C9orf50: variants seen among roughly 807,000 people sequenced by gnomAD.
C9orf50 encodes uncharacterized protein C9orf50.
In C9orf50, 33 loss-of-function variants were observed where a neutral mutation model predicts 42.5. The observed-to-expected ratio is 0.78, with a 90% confidence interval of 0.59 to 1.04. The LOEUF (loss-of-function observed/expected upper bound fraction) is 1.04. Ranked by LOEUF, C9orf50 falls within the 50% of genes least tolerant of loss-of-function variation. The pLI is 0.00. For missense variants in C9orf50, 547 were observed against 594.3 expected, an observed-to-expected ratio of 0.92 and a Z score of 0.83; for synonymous variants, 257 against 273.4, an observed-to-expected ratio of 0.94 and a Z score of 0.59.
chr9:129,615,688 C>T lies in C9orf50; in HGVS notation c.717-41G>A, dbSNP rs75970720. The stretch of plus-strand genomic sequence containing the variant: ...GGGGCCTGTGCTCGAAGCCCCCCAC[C>T]GTACCCCAGCACACACGCACCAGCC... On this transcript the variant is annotated intron_variant, in intron 3 of 6. Coordinates refer to ENST00000372478, the Ensembl canonical transcript of C9orf50. 5.8e-3 allele frequency: 8,606 copies of T among 1,489,950 alleles called. 43 individuals are homozygous for T. Among genetic ancestry groups the T allele is most frequent in the East Asian group, 0.011 (440 of 41,044 alleles). 92.3% of individuals were successfully genotyped at this position (1,489,950 alleles called of 1,614,324 possible).
chr9:129,612,572 T>A, intron 6 of C9orf50, 118 bp from the exon 7 acceptor site: 1 of 751,046 alleles, frequency 1.3e-6, no homozygotes. Context: ...AGCCCCATTT[T>A]AAAAGATGAG....
exon 3 of C9orf50, chr9:129,619,624 C>T (rs745405190): frequency 1.4e-5 from 22 of 1,613,826 alleles, no homozygotes; most frequent in African/African-American, 4.0e-5. Flanking sequence ...CCTGGAGGTG[C>T]GATGACTGGC....
chr9:129,617,500 T>C (rs1408075577), intron 3 of C9orf50, among the ~76,000 whole-genome samples: 1 of 152,242 alleles, frequency 6.6e-6, no homozygotes, highest in Non-Finnish European at 1.5e-5. Context: ...TCACACACAG[T>C]AAGGTGCTCA....
At chr9:129,618,846 C>A (rs1056857568) in intron 3 of C9orf50, among the ~76,000 whole-genome samples, 1 of 149,582 alleles carries the variant, frequency 6.7e-6, no homozygotes, top group Non-Finnish European at 1.5e-5. Flanking sequence ...GCGCCCGCCA[C>A]CACGCCCGGC....
rs781474219 is a variant in C9orf50 at position 129,613,519 on chromosome 9, C to T, written c.959G>A (p.Arg320Gln). The T allele has an allele frequency of 7.4e-6, 12 of 1,614,044 alleles. No homozygotes were observed. Among genetic ancestry groups the T allele is most frequent in the African/African-American group, 6.7e-5 (5 of 74,930 alleles). ...CAGGGCTTTGGGCAAACTCTCCAGC[C>T]GTTTTCCGACACTCCCAAACACCCG... The change falls in exon 5 of 7, where the codon CGG (arginine) becomes CAG (glutamine). Residue 320 changes from arginine (R) to glutamine (Q), a missense_variant. This residue lies in a region of C9orf50 where 334 missense variants were observed against 323.7 expected (regional missense o/e 1.03). Coordinates refer to ENST00000372478, the Ensembl canonical transcript of C9orf50. The surrounding 1 kb of genome is among the most constrained non-coding windows in gnomAD (Gnocchi z 6.2).
Position 129,619,594 on chromosome 9 carries a change from C to CAG in C9orf50, c.641_642insCT (p.Leu215CysfsTer11). On this transcript the variant is annotated frameshift_variant, in exon 3 of 7. Coordinates refer to ENST00000372478, the Ensembl canonical transcript of C9orf50. LOFTEE classifies it high-confidence loss of function. ...GCCCCAGAATAGGTGTCTGCTGGAG[C>CAG]GAAATCTTCGTAAGACTATCCTGGA... is the stretch of plus-strand genomic sequence containing the variant. 6.2e-7 allele frequency: 1 copy of CAG among 1,614,034 alleles called. No individual in the cohort carries two copies. Among genetic ancestry groups the CAG allele is most frequent in the Middle Eastern group, 1.6e-4 (1 of 6,062 alleles).
chr9:129,621,694 C>T (rs1434841802), upstream of C9orf50, among the ~76,000 whole-genome samples: 1 of 152,178 alleles, frequency 6.6e-6, no homozygotes, highest in African/African-American at 2.4e-5. Flanking sequence ...ACAAACTCCC[C>T]CTTTGGGAGG....
In C9orf50 at chr9:129,619,652, G is replaced by A. The variant is rs767800175; in HGVS notation, c.600-16C>T. On this transcript the variant is annotated splice_polypyrimidine_tract_variant and intron_variant, in intron 2 of 6. Transcript: ENST00000372478. The stretch of plus-strand genomic sequence containing the variant: ...TGACTGGCCCCTTAAAGACAAACAG[G>A]CCACATCTGGCATGAGTGGCCAGGC... 1.2e-6 allele frequency: 2 copies of A among 1,613,458 alleles called. No homozygotes were observed. The highest frequency in any genetic ancestry group is 3.3e-5 in the Admixed American group (2 of 60,018).
In C9orf50 at chr9:129,614,275, T is replaced by TC. The variant is rs1174684959; in HGVS notation, c.881-679dup. Among the ~76,000 whole-genome samples the TC allele has an allele frequency of 6.6e-6, 1 of 152,164 alleles. No individual in the cohort carries two copies. The highest frequency in any genetic ancestry group is 1.5e-5 in the Non-Finnish European group (1 of 68,032). On this transcript the variant is annotated intron_variant, in intron 4 of 6. Coordinates refer to ENST00000372478, the Ensembl canonical transcript of C9orf50. The surrounding 1 kb of genome is among the most constrained non-coding windows in gnomAD (Gnocchi z 4.4). ...CCATCCTGCTTCTGGGGCCTTGGTTTCCCCACCAAACAAACAGAAGTTGGG... is the reference window on the plus strand; with the variant it reads ...CCATCCTGCTTCTGGGGCCTTGGTTTCCCCCACCAAACAAACAGAAGTTGGG...
exon 7 of C9orf50, chr9:129,612,308 C>T: frequency 6.4e-7 from 1 of 1,558,058 alleles, no homozygotes; most frequent in South Asian, 1.1e-5. Flanking sequence ...TCCTCATTGC[C>T]TGGCCCATGT....
rs769251673 is a variant in C9orf50 at position 129,613,171 on chromosome 9, G to T, written c.1124C>A (p.Ala375Asp). 1 of 1,613,752 alleles carries T rather than the reference G, an allele frequency of 6.2e-7. No homozygotes were observed. The highest frequency in any genetic ancestry group is 2.2e-5 in the East Asian group (1 of 44,880). ...GCTGCTTCGCGGCCTCTGAGCAGCGGCCTTCTTCCATGAACAGAAGGGCAG... is the reference window on the plus strand; with the variant it reads ...GCTGCTTCGCGGCCTCTGAGCAGCGTCCTTCTTCCATGAACAGAAGGGCAG... The change falls in exon 6 of 7, where the codon GCC becomes GAC. Residue 375 changes from alanine to aspartate, a missense_variant. By Grantham distance (126) the Ala-to-Asp change is moderately radical. Transcript: ENST00000372478. The surrounding 1 kb of genome is among the most constrained non-coding windows in gnomAD (Gnocchi z 6.2).
At chr9:129,612,616 G>A (rs568419050) in intron 6 of C9orf50, among the ~76,000 whole-genome samples, 162 bp from the exon 7 acceptor site, 206 of 152,318 alleles carry the variant, frequency 1.4e-3, no homozygotes, top group African/African-American at 4.8e-3. Flanking sequence ...GGTGGCTCTC[G>A]CCTGTAATCC....
chr9:129,617,015 C>T (rs935291484), intron 3 of C9orf50, among the ~76,000 whole-genome samples: 7 of 151,970 alleles, frequency 4.6e-5, no homozygotes, highest in Admixed American at 4.6e-4. Context: ...TGCAGTGAGC[C>T]GAGATCGTGC....
rs751652325 is a variant in C9orf50, at chr9:129,613,552, G to A, written c.926C>T (p.Ala309Val). ...GACACTCCCAAACACCCGCTCGGAC[G>A]CCACTGGCAGGGCGGCCTTCTGGTT... The change falls in exon 5 of 7, where the codon GCG (alanine) becomes GTG (valine). Residue 309 changes from alanine to valine, a missense_variant. Ala to Val is a moderately conservative substitution (Grantham distance 64). Around this residue, in one of 3 missense-constraint regions of C9orf50, gnomAD observed 334 missense variants for 323.7 expected, o/e 1.03. Coordinates refer to ENST00000372478, the Ensembl canonical transcript of C9orf50. The surrounding 1 kb of genome is among the most constrained non-coding windows in gnomAD (Gnocchi z 6.2). 1.5e-5 allele frequency: 25 copies of A among 1,614,048 alleles called. No individual in the cohort carries two copies. The highest frequency in any genetic ancestry group is 1.6e-4 in the Middle Eastern group (1 of 6,082).
chr9:129,616,352 A>G (rs909999956), intron 3 of C9orf50, among the ~76,000 whole-genome samples: 3 of 152,094 alleles, frequency 2.0e-5, no homozygotes, highest in Non-Finnish European at 4.4e-5. Flanking sequence ...AGTAGCTGGG[A>G]CTACAGGCGT....
chr9:129,615,731 T>A, intron 3 of C9orf50, 84 bp from the exon 4 acceptor site: 1 of 1,411,236 alleles, frequency 7.1e-7, no homozygotes, highest in Non-Finnish European at 9.3e-7. Context: ...CGCTGTGAGA[T>A]CCTGGACAAG....
chr9:129,612,350 C>T lies in C9orf50; in HGVS notation c.1293G>A (p.Arg431=), dbSNP rs148611877. 2.2e-3 allele frequency: 3,578 copies of T among 1,613,494 alleles called. 6 individuals are homozygous for T. The highest frequency in any genetic ancestry group is 2.8e-3 in the Non-Finnish European group (3,358 of 1,179,712). ...CTGGCCTTGGGTTCGCGAGTGTTCA[C>T]CTCTTATCTGGCTGCAGTGTTGCGG... Residue 431 remains arginine, a synonymous_variant, in exon 7 of 7, where the codon AGG becomes AGA. Coordinates refer to ENST00000372478, the Ensembl canonical transcript of C9orf50.
Position 129,620,331 on chromosome 9 carries a change from C to CG in C9orf50, c.243dup (p.Ala82ArgfsTer72), listed in dbSNP as rs1830625627. 4.1e-6 allele frequency: 5 copies of CG among 1,231,886 alleles called. No individual in the cohort carries two copies. The highest frequency in any genetic ancestry group is 3.9e-5 in the South Asian group (1 of 25,690). The allele number at this position is 1,231,886 out of a possible 1,614,324, so 76.3% of individuals were successfully genotyped here. A position where few individuals can be genotyped will look rare whatever the true frequency, so the allele number is the denominator to read the frequency against. ...GCCCGCCGGGTCGCGGTGAGCAAGG[C>CG]GGGCAGGCGCGGCGGGAGGCGTCCG... On this transcript the variant is annotated frameshift_variant, in exon 1 of 7. Transcript: ENST00000372478. LOFTEE classifies it high-confidence loss of function. The surrounding 1 kb of genome is among the most constrained non-coding windows in gnomAD (Gnocchi z 5.8).
chr9:129,615,591 G>A (rs766245699), exon 4 of C9orf50: 11 of 1,605,506 alleles, frequency 6.9e-6, no homozygotes, highest in African/African-American at 2.7e-5. Context: ...GCCTTCCCCC[G>A]AGGGGTTGTG....
Sources: gnomAD v4.1 joint callset for allele counts (sites outside exome capture counted in the v4.1 genomes callset) on GRCh38, gnomAD v4.1.1 for gene constraint, gnomAD v4.1.1 regional missense constraint, Gnocchi (gnomAD v3.1) non-coding constraint, MANE v1.5 for transcripts, NCBI Gene and HGNC (gene_info 2026-07-23, HGNC 2026-07-21) for gene names.